The following CTDSPL variants were observed in gnomAD, a reference collection of about 807,000 sequenced individuals.
CTDSPL encodes the protein CTD small phosphatase-like protein.
CTDSPL carries 8 observed loss-of-function variants against 30.5 expected under a neutral mutation model. The observed-to-expected ratio is 0.26, with a 90% CI of 0.15 to 0.47. CTDSPL has a LOEUF of 0.47. CTDSPL is among the 20% of genes least tolerant of loss of function. The pLI is 0.99. For missense variants in CTDSPL, 248 were observed against 366.1 expected, an observed-to-expected ratio of 0.68 and a Z score of 2.63; for synonymous variants, 110 against 137.9, an observed-to-expected ratio of 0.80 and a Z score of 1.42.
intron 1 of CTDSPL, among the ~76,000 whole-genome samples, chr3:37,901,602 A>G (rs1296042520): frequency 6.6e-6 from 1 of 152,212 alleles, no homozygotes; most frequent in African/African-American, 2.4e-5. Flanking sequence ...TGCATTTACT[A>G]TGATATGTCA....
intron 1 of CTDSPL, among the ~76,000 whole-genome samples, chr3:37,943,077 G>A (rs1698995886): frequency 6.7e-6 from 1 of 150,236 alleles, no homozygotes; most frequent in African/African-American, 2.4e-5. Flanking sequence ...AAGGACAGAT[G>A]TCTAGCTTAG....
Position 37,930,116 on chromosome 3 carries a change from GA to G in CTDSPL, c.80-16928del, listed in dbSNP as rs758743705. 4.0e-3 allele frequency among the ~76,000 whole-genome samples: 485 copies of G among 119,870 alleles called. 2 individuals are homozygous for G. The highest frequency in any genetic ancestry group is 0.013 in the South Asian group (47 of 3,744). 78.6% of individuals were successfully genotyped at this position (119,870 alleles called of 152,430 possible). A position where few individuals can be genotyped will look rare whatever the true frequency, so the allele number is the denominator to read the frequency against. ...AGTGAGACTCCGTCTCAAAAAAAAA[GA>G]AAAAAAAAAAAAGAAGAAGGGTATG... On this transcript the variant is annotated intron_variant, in intron 1 of 7. Coordinates refer to ENST00000273179, the MANE Select transcript of CTDSPL (RefSeq NM_001008392.2).
chr3:37,898,010 A>ATGT, intron 1 of CTDSPL, among the ~76,000 whole-genome samples: 1 of 152,316 alleles, frequency 6.6e-6, no homozygotes, highest in Non-Finnish European at 1.5e-5. Context: ...GGGAGAAACC[A>ATGT]TGCCCTGACC....
intron 1 of CTDSPL, among the ~76,000 whole-genome samples, chr3:37,909,887 A>T (rs13092323): frequency 0.25 from 37,921 of 152,150 alleles, 6,424 homozygotes; most frequent in African/African-American, 0.48. Context: ...AACATTAAAC[A>T]TTTATTTCCC....
chr3:37,875,431 G>T (rs1698124600), intron 1 of CTDSPL, among the ~76,000 whole-genome samples: 1 of 152,228 alleles, frequency 6.6e-6, no homozygotes, highest in Non-Finnish European at 1.5e-5. Flanking sequence ...AAGAGAAGCA[G>T]CTTAATATTT....
chr3:37,895,161 A>G (rs1291353038), intron 1 of CTDSPL, among the ~76,000 whole-genome samples: 3 of 152,148 alleles, frequency 2.0e-5, no homozygotes, highest in Non-Finnish European at 2.9e-5. Context: ...ATTCTATTAT[A>G]TTCCTCTGTA....
chr3:37,950,678 CT>C (rs1559642288), intron 2 of CTDSPL, among the ~76,000 whole-genome samples: 2 of 152,142 alleles, frequency 1.3e-5, no homozygotes. Flanking sequence ...AGAAAATTTT[CT>C]TGAGCTGAAA....
At chr3:37,915,442 A>T (rs1171503211) in intron 1 of CTDSPL, among the ~76,000 whole-genome samples, 3 of 150,066 alleles carry the variant, frequency 2.0e-5, no homozygotes, top group Non-Finnish European at 4.4e-5. Flanking sequence ...CCTGCTCACT[A>T]CTCCTTTATC....
At chr3:37,945,853 T>C (rs531157008) in intron 1 of CTDSPL, among the ~76,000 whole-genome samples, 12 of 152,228 alleles carry the variant, frequency 7.9e-5, no homozygotes, top group South Asian at 4.1e-4. Context: ...TCCATCTGAA[T>C]GCACTTAGTT....
At chr3:37,931,924 G>A (rs902186654) in intron 1 of CTDSPL, among the ~76,000 whole-genome samples, 1 of 152,012 alleles carries the variant, frequency 6.6e-6, no homozygotes, top group African/African-American at 2.4e-5. Flanking sequence ...TTTAGGGCTT[G>A]ATAAAGTGAC....
intron 3 of CTDSPL, among the ~76,000 whole-genome samples, chr3:37,958,794 A>G (rs1699204003): frequency 6.6e-6 from 1 of 152,250 alleles, no homozygotes. Flanking sequence ...GAAACAGCCA[A>G]GCTAAAGGAA....
At position 37,947,229 on chromosome 3, in the gene CTDSPL, A is replaced by G. The variant is rs1417740725; in HGVS notation, c.234+18A>G. On this transcript the variant is annotated intron_variant, in intron 2 of 7. Coordinates refer to ENST00000273179, the MANE Select transcript of CTDSPL (RefSeq NM_001008392.2). ...TTCAGAAGGTCAGTACTGGTGAGGAACTGTGCCCTCCATAAAACTGCAGCA... is the reference window on the plus strand; with the variant it reads ...TTCAGAAGGTCAGTACTGGTGAGGAGCTGTGCCCTCCATAAAACTGCAGCA... 2 of 1,603,414 alleles carry G rather than the reference A, an allele frequency of 1.2e-6. No homozygotes were observed. Among genetic ancestry groups the G allele is most frequent in the African/African-American group, 1.3e-5 (1 of 74,552 alleles).
chr3:37,968,508 A>G (rs1337848497), intron 5 of CTDSPL: 2 of 240,042 alleles, frequency 8.3e-6, no homozygotes, highest in Non-Finnish European at 8.4e-6. Context: ...ATTTATGAAC[A>G]AATTGGGAAT....
chr3:37,940,353 A>C (rs1022953957), intron 1 of CTDSPL, among the ~76,000 whole-genome samples: 2 of 150,440 alleles, frequency 1.3e-5, no homozygotes, highest in Admixed American at 6.7e-5. Context: ...ATTTCAAATC[A>C]CATAAACCCA....
intron 4 of CTDSPL, among the ~76,000 whole-genome samples, chr3:37,965,483 A>G (rs1699290278): frequency 6.6e-6 from 1 of 152,210 alleles, no homozygotes; most frequent in African/African-American, 2.4e-5. Context: ...TGGGGAGAAG[A>G]AGCAGGTATT....
At chr3:37,970,123 A>G (rs962761712) in intron 5 of CTDSPL, among the ~76,000 whole-genome samples, 10 of 151,412 alleles carry the variant, frequency 6.6e-5, no homozygotes, top group Admixed American at 1.3e-4. Context: ...CAGCCTGGCT[A>G]CTCTCTAGCT....
chr3:37,880,258 A>T (rs1251715328), intron 1 of CTDSPL, among the ~76,000 whole-genome samples: 1 of 152,086 alleles, frequency 6.6e-6, no homozygotes, highest in Admixed American at 6.6e-5. Context: ...TGATGTAGTT[A>T]TGCACCTAAC....
Position 37,975,979 on chromosome 3 carries a change from CAAG to C in CTDSPL, c.705+89_705+91del, listed in dbSNP as rs1179054106. 2.9e-6 allele frequency: 4 copies of C among 1,392,548 alleles called. No individual in the cohort carries two copies. Among genetic ancestry groups the C allele is most frequent in the Non-Finnish European group, 4.0e-6 (4 of 1,012,526 alleles). The allele number at this position is 1,392,548 out of a possible 1,614,324, so 86.3% of individuals were successfully genotyped here. A position where few individuals can be genotyped will look rare whatever the true frequency, so the allele number is the denominator to read the frequency against. ...CAGGTACCACTTTTGAGCACCTACA[CAAG>C]AAGGTCTCTGGGCCTTTTCCTAATG... On this transcript the variant is annotated intron_variant, in intron 7 of 7. Coordinates refer to ENST00000273179, the MANE Select transcript of CTDSPL (RefSeq NM_001008392.2). The surrounding 1 kb of genome is among the most constrained non-coding windows in gnomAD (Gnocchi z 4.9).
chr3:37,908,231 G>GGGC (rs1218997846), intron 1 of CTDSPL, among the ~76,000 whole-genome samples: 5 of 152,206 alleles, frequency 3.3e-5, no homozygotes, highest in Admixed American at 2.0e-4. Context: ...CCCGCCAAGT[G>GGGC]GGCGAATGTC....
Sources: allele counts gnomAD v4.1 joint callset (sites outside exome capture counted in the v4.1 genomes callset), GRCh38; gene constraint gnomAD v4.1.1; non-coding constraint Gnocchi (gnomAD v3.1); transcripts MANE v1.5; gene names NCBI Gene and HGNC (gene_info 2026-07-23, HGNC 2026-07-21).